PTPRG: variants seen among roughly 807,000 people sequenced by gnomAD.
The protein encoded by PTPRG is protein tyrosine phosphatase receptor type G, also known as receptor-type tyrosine-protein phosphatase gamma.
In PTPRG, 102 loss-of-function variants were observed where a neutral mutation model predicts 165.3. The ratio of observed to expected loss-of-function variants is 0.62; its 90% CI spans 0.53 to 0.73. PTPRG has a LOEUF of 0.73. PTPRG is among the 30% of genes least tolerant of loss of function. The pLI, the probability that PTPRG is intolerant of heterozygous loss-of-function variation, is 0.00. For synonymous variants in PTPRG, 675 were observed against 669.5 expected, an observed-to-expected ratio of 1.01 and a Z score of -0.13; for missense variants, 1,866 against 1,861.4, an observed-to-expected ratio of 1.00 and a Z score of -0.05.
rs554654491 is a variant in PTPRG at position 61,752,588 on chromosome 3, C to T, written c.190+3606C>T. 2.2e-3 allele frequency among the ~76,000 whole-genome samples: 330 copies of T among 151,860 alleles called. 2 individuals are homozygous for T. The highest frequency in any genetic ancestry group is 6.8e-3 in the African/African-American group (280 of 41,416). ...CGGGCAGATCACGAGGTCAGGAGTT[C>T]GAGACCTGCCAACATGGTGAAACCC... On this transcript the variant is annotated intron_variant, in intron 2 of 29. Coordinates refer to ENST00000474889, the MANE Select transcript of PTPRG (RefSeq NM_002841.4).
chr3:61,753,793 A>G (rs1222423987), intron 2 of PTPRG, among the ~76,000 whole-genome samples: 1 of 152,016 alleles, frequency 6.6e-6, no homozygotes, highest in Non-Finnish European at 1.5e-5. Flanking sequence ...ATGGGGTTTC[A>G]CCATGTTGGC....
At chr3:62,197,183 G>A (rs1699986611) in intron 10 of PTPRG, among the ~76,000 whole-genome samples, 2 of 152,182 alleles carry the variant, frequency 1.3e-5, no homozygotes, top group African/African-American at 2.4e-5. Context: ...AAAAGTGGCA[G>A]TATCCATAGT....
At chr3:61,909,482 C>T (rs992046960) in intron 2 of PTPRG, among the ~76,000 whole-genome samples, 4 of 152,122 alleles carry the variant, frequency 2.6e-5, no homozygotes, top group South Asian at 2.1e-4. Context: ...CCCAGTTAGC[C>T]AGGACCACAG....
At chr3:61,944,031 GCAAA>G (rs774966078) in intron 2 of PTPRG, among the ~76,000 whole-genome samples, 13 of 152,270 alleles carry the variant, frequency 8.5e-5, no homozygotes, top group Non-Finnish European at 1.6e-4. Context: ...GGTTCCAGCA[GCAAA>G]CAAAGTACCA....
chr3:61,852,998 T>G (rs908558152), intron 2 of PTPRG, among the ~76,000 whole-genome samples: 1 of 152,234 alleles, frequency 6.6e-6, no homozygotes, highest in Non-Finnish European at 1.5e-5. Context: ...TCTGTTCATC[T>G]AAATTCCATT....
At chr3:61,800,171 G>GA in intron 2 of PTPRG, among the ~76,000 whole-genome samples, 1 of 152,148 alleles carries the variant, frequency 6.6e-6, no homozygotes, top group African/African-American at 2.4e-5. Flanking sequence ...GCTCGTTGTG[G>GA]GGTGGGAGGG....
intron 5 of PTPRG, among the ~76,000 whole-genome samples, chr3:62,094,489 A>C (rs565936452): frequency 1.3e-5 from 2 of 152,102 alleles, no homozygotes; most frequent in Non-Finnish European, 2.9e-5. Flanking sequence ...CGTGTTTTCC[A>C]CTAGTCCACC....
intron 2 of PTPRG, among the ~76,000 whole-genome samples, chr3:61,803,819 A>C (rs2035329316): frequency 6.6e-6 from 1 of 152,198 alleles, no homozygotes; most frequent in African/African-American, 2.4e-5. Flanking sequence ...CTGTTAGAAT[A>C]ATTACCAAGT....
In PTPRG at chr3:62,022,350, A is replaced by G. The variant is rs570289741; in HGVS notation, c.519+18853A>G. Among the ~76,000 whole-genome samples, 7 of 152,346 alleles carry G rather than the reference A, an allele frequency of 4.6e-5. 1 individual carries two copies. The South Asian group carries it at 1.4e-3, about 32-fold the overall frequency. On this transcript the variant is annotated intron_variant, in intron 4 of 29. Transcript: ENST00000474889. ...TCATAAAATGTCTGATCTTTTAGTT[A>G]AATCTAGTTTTGGTGCTAGGACTTG...
At position 62,271,437 on chromosome 3, in the gene PTPRG, C is replaced by T; in HGVS notation, c.3064C>T (p.His1022Tyr). The T allele has an allele frequency of 6.2e-7, 1 of 1,613,346 alleles. No homozygotes were observed. The highest frequency in any genetic ancestry group is 8.5e-7 in the Non-Finnish European group (1 of 1,179,406). ...GAATGAAAGGGTAGTGATCCAGTAT[C>T]ACTATACACAGTGGCCTGACATGGG... is the stretch of plus-strand genomic sequence containing the variant. The part of the protein sequence containing the change: ...RQNERVVIQY[H>Y]YTQWPDMGVP... Residue 1022 changes from histidine (H) to tyrosine (Y), a missense_variant, in exon 21 of 30, where the codon CAC (histidine) becomes TAC (tyrosine). By Grantham distance (83) the His-to-Tyr change is moderately conservative (BLOSUM62 2). This residue lies in a region of PTPRG where 1,452 missense variants were observed against 1,463.0 expected (regional missense o/e 0.99). Transcript: ENST00000474889. The surrounding 1 kb of genome is among the most constrained non-coding windows in gnomAD (Gnocchi z 4.1).
intron 2 of PTPRG, among the ~76,000 whole-genome samples, chr3:61,832,448 G>C (rs896348652): frequency 1.3e-5 from 2 of 152,120 alleles, no homozygotes; most frequent in Admixed American, 6.6e-5. Context: ...AAGCATCTGG[G>C]GCAGGGTCAT....
At chr3:61,582,312 G>A (rs567489639) in intron 1 of PTPRG, among the ~76,000 whole-genome samples, 1 of 152,200 alleles carries the variant, frequency 6.6e-6, no homozygotes, top group African/African-American at 2.4e-5. Context: ...TGGGAATGCT[G>A]AGTATATCAT....
intron 1 of PTPRG, among the ~76,000 whole-genome samples, chr3:61,679,401 C>T (rs972297909): frequency 6.6e-6 from 1 of 152,080 alleles, no homozygotes; most frequent in South Asian, 2.1e-4. Context: ...TTTAGCAGCC[C>T]GACCAAGAGC....
intron 5 of PTPRG, among the ~76,000 whole-genome samples, chr3:62,089,403 C>T (rs349162): frequency 0.14 from 21,901 of 152,158 alleles, 3,867 homozygotes; most frequent in African/African-American, 0.42. Flanking sequence ...CTTGGTAACA[C>T]TGTTTTGCTG....
intron 1 of PTPRG, among the ~76,000 whole-genome samples, chr3:61,567,721 G>T (rs565392155): frequency 1.5e-4 from 22 of 149,844 alleles, no homozygotes; most frequent in Middle Eastern, 3.5e-3. Flanking sequence ...GGTGGCTCAT[G>T]CCTGTCATCT....
At chr3:62,050,017 T>C (rs556556814) in intron 4 of PTPRG, among the ~76,000 whole-genome samples, 1 of 152,326 alleles carries the variant, frequency 6.6e-6, no homozygotes, top group East Asian at 1.9e-4. Flanking sequence ...ATCAAGCTTG[T>C]TGAATATTTT....
chr3:61,880,165 C>A (rs1206738589), intron 2 of PTPRG, among the ~76,000 whole-genome samples: 1 of 152,114 alleles, frequency 6.6e-6, no homozygotes, highest in Non-Finnish European at 1.5e-5. Flanking sequence ...TTATCAAATA[C>A]CAGGCATAAT....
At chr3:61,950,038 G>C (rs1031923133) in intron 2 of PTPRG, among the ~76,000 whole-genome samples, 4 of 152,186 alleles carry the variant, frequency 2.6e-5, no homozygotes, top group African/African-American at 4.8e-5. Flanking sequence ...GAGCCACTGA[G>C]CCCGGCCAAG....
chr3:61,720,572 CT>C (rs2032004835), intron 1 of PTPRG, among the ~76,000 whole-genome samples: 1 of 152,186 alleles, frequency 6.6e-6, no homozygotes, highest in African/African-American at 2.4e-5. Flanking sequence ...TCCCGAAGGT[CT>C]CCCCATGCTC....
Sources: gnomAD v4.1 joint callset for allele counts (sites outside exome capture counted in the v4.1 genomes callset) on GRCh38, gnomAD v4.1.1 for gene constraint, gnomAD v4.1.1 regional missense constraint, Gnocchi (gnomAD v3.1) non-coding constraint, MANE v1.5 for transcripts, NCBI Gene and HGNC (gene_info 2026-07-23, HGNC 2026-07-21) for gene names.